The following NXPE2 variants were observed in gnomAD, a reference collection of about 807,000 sequenced individuals.
NXPE2 encodes NXPE family member 2.
A neutral mutation model predicts 34.4 loss-of-function variants in NXPE2; 34 were observed. The ratio of observed to expected loss-of-function variants is 0.99; its 90% CI spans 0.75 to 1.31. The LOEUF (loss-of-function observed/expected upper bound fraction) is 1.31, where lower values mean the gene tolerates loss of function less well. Among genes scored for constraint, NXPE2 ranks in the 40% most tolerant of loss-of-function variants. NXPE2 has a pLI of 0.00. For synonymous variants in NXPE2, 235 were observed against 231.3 expected (o/e 1.02, Z -0.15); for missense variants, 649 against 672.5 (o/e 0.97, Z 0.39).
chr11:114,533,976 C>A, the NXPE2 span, among the ~76,000 whole-genome samples: 1 of 152,240 alleles, frequency 6.6e-6, no homozygotes, highest in Non-Finnish European at 1.5e-5. Flanking sequence ...TGAGAATGGG[C>A]AGACTGCCTC....
At chr11:114,688,095 C>A (rs1020745133) in intron 2 of NXPE2, among the ~76,000 whole-genome samples, 3 of 151,904 alleles carry the variant, frequency 2.0e-5, no homozygotes, top group African/African-American at 7.3e-5. Context: ...TTTCCTCCTG[C>A]CTGATTACTC....
At chr11:114,720,325 G>C in the NXPE2 span, among the ~76,000 whole-genome samples, 4 of 152,342 alleles carry the variant, frequency 2.6e-5, no homozygotes, top group East Asian at 7.7e-4. Context: ...ACAGGGGAGA[G>C]AGTCTCACCT....
chr11:114,766,756 T>C, the NXPE2 span, among the ~76,000 whole-genome samples: 1 of 152,146 alleles, frequency 6.6e-6, no homozygotes, highest in East Asian at 1.9e-4. Context: ...CTAGAGTCAG[T>C]CTCAAACAGT....
At chr11:114,682,339 A>G (rs1414125571) in intron 2 of NXPE2, among the ~76,000 whole-genome samples, 3 of 152,214 alleles carry the variant, frequency 2.0e-5, no homozygotes, top group Non-Finnish European at 4.4e-5. Flanking sequence ...AACTTACTTT[A>G]TCTTTTAAAG....
intron 2 of NXPE2, among the ~76,000 whole-genome samples, chr11:114,683,040 T>A (rs1950975748): frequency 6.6e-6 from 1 of 152,136 alleles, no homozygotes; most frequent in Non-Finnish European, 1.5e-5. Context: ...TTCATTGTTC[T>A]AACCAATTCT....
the NXPE2 span, among the ~76,000 whole-genome samples, chr11:114,472,515 T>A: frequency 1.3e-5 from 2 of 152,230 alleles, no homozygotes; most frequent in African/African-American, 4.8e-5. Context: ...AAGCTTGTTC[T>A]AAAGAATGAT....
the NXPE2 span, among the ~76,000 whole-genome samples, chr11:114,786,876 A>G: frequency 7.2e-5 from 11 of 152,092 alleles, no homozygotes; most frequent in Non-Finnish European, 1.5e-4. Context: ...GCACACATAC[A>G]GCCTCACACA....
At chr11:114,494,975 C>A in the NXPE2 span, among the ~76,000 whole-genome samples, 1 of 152,200 alleles carries the variant, frequency 6.6e-6, no homozygotes. Context: ...AGAGGTACCA[C>A]CTTGGTGGTT....
chr11:114,609,829 G>A, the NXPE2 span, among the ~76,000 whole-genome samples: 1 of 151,208 alleles, frequency 6.6e-6, no homozygotes, highest in Non-Finnish European at 1.5e-5. Context: ...GATTACCATG[G>A]TAACCCGATG....
chr11:114,607,275 A>G, the NXPE2 span, among the ~76,000 whole-genome samples: 3 of 151,912 alleles, frequency 2.0e-5, no homozygotes, highest in Admixed American at 6.6e-5. Flanking sequence ...ATGGGTAACC[A>G]CTGTTGCCTG....
chr11:114,465,865 C>T, the NXPE2 span, among the ~76,000 whole-genome samples: 15 of 151,954 alleles, frequency 9.9e-5, no homozygotes, highest in Non-Finnish European at 1.8e-4. Context: ...AACGGCATGG[C>T]GCATAGAACA....
the NXPE2 span, among the ~76,000 whole-genome samples, chr11:114,639,929 A>T: frequency 1.7e-5 from 2 of 115,102 alleles, no homozygotes; most frequent in Non-Finnish European, 3.2e-5. Context: ...TATATTATAT[A>T]TTATATTAAA....
At chr11:114,619,692 GATA>G in the NXPE2 span, among the ~76,000 whole-genome samples, 191 of 152,218 alleles carry the variant, frequency 1.3e-3, no homozygotes, top group African/African-American at 4.4e-3. Flanking sequence ...TTTCCCAGTG[GATA>G]ATAAGTATTG....
the NXPE2 span, among the ~76,000 whole-genome samples, chr11:114,716,480 T>C: frequency 6.6e-6 from 1 of 152,312 alleles, no homozygotes; most frequent in East Asian, 1.9e-4. Flanking sequence ...CCCTTACTCA[T>C]CTCTGTCTTA....
chr11:114,754,481 CA>C, the NXPE2 span, among the ~76,000 whole-genome samples: 1 of 152,322 alleles, frequency 6.6e-6, no homozygotes, highest in African/African-American at 2.4e-5. Flanking sequence ...CCAGTGTCAT[CA>C]GGGGCACTTT....
the NXPE2 span, among the ~76,000 whole-genome samples, chr11:114,469,512 C>T: frequency 4.0e-5 from 6 of 151,418 alleles, no homozygotes; most frequent in South Asian, 4.2e-4. Flanking sequence ...TTTTTTGAGA[C>T]GGAGTCTCGC....
At chr11:114,678,499 A>G (rs1388973914), upstream of NXPE2, 1 of 1,193,740 alleles carries the variant, frequency 8.4e-7, no homozygotes, top group African/African-American at 1.5e-5. Flanking sequence ...GGAAACTCCA[A>G]CCCTAAGATA....
chr11:114,498,410 A>G, the NXPE2 span, among the ~76,000 whole-genome samples: 1 of 152,112 alleles, frequency 6.6e-6, no homozygotes, highest in Non-Finnish European at 1.5e-5. Context: ...TCAGTATATC[A>G]CATGTACTAC....
the NXPE2 span, among the ~76,000 whole-genome samples, chr11:114,549,210 C>G: frequency 6.6e-6 from 1 of 151,924 alleles, no homozygotes; most frequent in Non-Finnish European, 1.5e-5. Context: ...CCCAATATTA[C>G]TTAAATAAGT....
Sources: allele counts gnomAD v4.1 joint callset (sites outside exome capture counted in the v4.1 genomes callset), GRCh38; gene constraint gnomAD v4.1.1; transcripts MANE v1.5; gene names NCBI Gene and HGNC (gene_info 2026-07-23, HGNC 2026-07-21).